Variants in LCLAT1 observed in about 807,000 individuals in gnomAD.
LCLAT1 encodes 1-AGP acyltransferase 8.
Under a neutral mutation model 30.7 loss-of-function variants are expected in LCLAT1, and 11 were observed. The ratio of observed to expected loss-of-function variants is 0.36; its 90% CI spans 0.23 to 0.59. The LOEUF (loss-of-function observed/expected upper bound fraction) is 0.59, where lower values mean the gene tolerates loss of function less well. LCLAT1 is among the 20% of genes least tolerant of loss of function. The pLI, the probability that LCLAT1 is intolerant of heterozygous loss-of-function variation, is 0.77. For missense variants in LCLAT1, 402 were observed against 458.6 expected (o/e 0.88, Z 1.13); for synonymous variants, 155 against 151.3 (o/e 1.02, Z -0.18).
intron 1 of LCLAT1, chr2:30,459,749 T>G: frequency 2.0e-6 from 3 of 1,494,734 alleles, no homozygotes; most frequent in Non-Finnish European, 2.8e-6. Context: ...ATTTAGATGC[T>G]TGAGGTTTTT....
intron 3 of LCLAT1, among the ~76,000 whole-genome samples, chr2:30,552,323 G>A (rs1427133955): frequency 1.3e-5 from 2 of 152,164 alleles, no homozygotes; most frequent in Non-Finnish European, 2.9e-5. Flanking sequence ...ATGTGTATAT[G>A]ATTATGTTTG....
At chr2:30,462,557 A>C (rs2148275918) in intron 1 of LCLAT1, among the ~76,000 whole-genome samples, 1 of 152,290 alleles carries the variant, frequency 6.6e-6, no homozygotes, top group African/African-American at 2.4e-5. Context: ...ATGAATACTT[A>C]AGTTTATCTG....
intron 1 of LCLAT1, among the ~76,000 whole-genome samples, chr2:30,465,938 G>A (rs976081444): frequency 6.6e-6 from 1 of 151,564 alleles, no homozygotes; most frequent in Non-Finnish European, 1.5e-5. Context: ...TCAACCAAGT[G>A]GTAGATTATA....
chr2:30,521,350 G>T (rs1685456602), intron 1 of LCLAT1, among the ~76,000 whole-genome samples: 1 of 152,080 alleles, frequency 6.6e-6, no homozygotes. Flanking sequence ...CTTGGTTTCA[G>T]GTTGCACCGT....
chr2:30,568,955 T>A (rs988310542), intron 5 of LCLAT1, among the ~76,000 whole-genome samples: 1 of 151,930 alleles, frequency 6.6e-6, no homozygotes, highest in African/African-American at 2.4e-5. Flanking sequence ...TATCATTCTC[T>A]TACTATTTTA....
intron 1 of LCLAT1, among the ~76,000 whole-genome samples, chr2:30,450,744 G>A (rs1451532581): frequency 6.6e-6 from 1 of 152,202 alleles, no homozygotes; most frequent in African/African-American, 2.4e-5. Context: ...GTCAAAGCAA[G>A]GGGGAGAACT....
At chr2:30,616,013 T>C (rs1667978907) in intron 5 of LCLAT1, among the ~76,000 whole-genome samples, 1 of 152,142 alleles carries the variant, frequency 6.6e-6, no homozygotes. Flanking sequence ...AGTTGTGGTC[T>C]CCACTGAGTT....
intron 1 of LCLAT1, among the ~76,000 whole-genome samples, chr2:30,467,116 T>A (rs1049994117): frequency 2.6e-5 from 4 of 151,882 alleles, no homozygotes; most frequent in South Asian, 4.2e-4. Context: ...CAGGCCCCGA[T>A]GTGTGATGTT....
intron 1 of LCLAT1, among the ~76,000 whole-genome samples, chr2:30,492,606 A>G (rs1242337353): frequency 1.3e-5 from 2 of 151,942 alleles, no homozygotes; most frequent in African/African-American, 4.8e-5. Flanking sequence ...ACCTTTGGGT[A>G]TATGATACTT....
chr2:30,530,679 A>G (rs567519301), intron 2 of LCLAT1, among the ~76,000 whole-genome samples: 200 of 152,148 alleles, frequency 1.3e-3, no homozygotes, highest in African/African-American at 4.5e-3. Context: ...CTGCGTAGCT[A>G]AGGCTCTGGG....
intron 1 of LCLAT1, among the ~76,000 whole-genome samples, chr2:30,455,067 G>A (rs1227429412): frequency 6.7e-6 from 1 of 150,032 alleles, no homozygotes; most frequent in Non-Finnish European, 1.5e-5. Context: ...TAATCTTCAG[G>A]GAACTGAGTA....
chr2:30,466,709 A>G lies in LCLAT1; in HGVS notation c.-5+19326A>G, dbSNP rs576020567. On this transcript the variant is annotated intron_variant, in intron 1 of 5. Transcript: ENST00000379509. ...TGCAGATATTCCAATTCTACTTAAC[A>G]CTGGGTATAGGGCCTGAGCTTCTGC... 2.0e-5 allele frequency among the ~76,000 whole-genome samples: 3 copies of G among 152,140 alleles called. No homozygotes were observed. In the South Asian group the frequency reaches 6.2e-4, roughly 32 times the overall value.
chr2:30,561,189 C>T lies in LCLAT1; in HGVS notation c.365-957C>T, dbSNP rs566827547. 2.6e-5 allele frequency among the ~76,000 whole-genome samples: 4 copies of T among 152,030 alleles called. No individual in the cohort carries two copies. In the South Asian group the frequency reaches 8.3e-4, roughly 32 times the overall value. ...AACTCCTGACCTCAGGTGATTCACC[C>T]GCCTCAGCCTCCCAAAGTGCTGGGA... On this transcript the variant is annotated intron_variant, in intron 3 of 5. Transcript: ENST00000379509.
intron 1 of LCLAT1, among the ~76,000 whole-genome samples, chr2:30,480,526 T>A (rs904210227): frequency 1.3e-5 from 2 of 152,170 alleles, no homozygotes; most frequent in East Asian, 3.8e-4. Context: ...GGAAAAAATA[T>A]AAAATGACAG....
chr2:30,484,351 G>T (rs778195899), intron 1 of LCLAT1, among the ~76,000 whole-genome samples: 29 of 152,086 alleles, frequency 1.9e-4, no homozygotes, highest in Non-Finnish European at 4.0e-4. Flanking sequence ...AAGTATTGTG[G>T]CCTTCCCAAA....
At chr2:30,503,283 T>C (rs1011048200) in intron 1 of LCLAT1, among the ~76,000 whole-genome samples, 2 of 152,216 alleles carry the variant, frequency 1.3e-5, no homozygotes, top group African/African-American at 4.8e-5. Flanking sequence ...GATCCTGTTT[T>C]GGCCAGTAGG....
At chr2:30,493,023 G>A (rs1683909339) in intron 1 of LCLAT1, among the ~76,000 whole-genome samples, 1 of 152,094 alleles carries the variant, frequency 6.6e-6, no homozygotes, top group South Asian at 2.1e-4. Context: ...TGTTTAACCT[G>A]CTGAACCCCA....
At chr2:30,528,695 A>G (rs1450957754) in intron 2 of LCLAT1, among the ~76,000 whole-genome samples, 2 of 152,170 alleles carry the variant, frequency 1.3e-5, no homozygotes, top group African/African-American at 2.4e-5. Context: ...CCTATTCCTA[A>G]CTTTTGTCTT....
chr2:30,528,631 A>G (rs1237183157), intron 2 of LCLAT1, among the ~76,000 whole-genome samples: 1 of 152,216 alleles, frequency 6.6e-6, no homozygotes, highest in Non-Finnish European at 1.5e-5. Flanking sequence ...GGACTTACTG[A>G]TAGTGTGATC....
Sources: allele counts gnomAD v4.1 joint callset (sites outside exome capture counted in the v4.1 genomes callset), GRCh38; gene constraint gnomAD v4.1.1; transcripts MANE v1.5; gene names NCBI Gene and HGNC (gene_info 2026-07-23, HGNC 2026-07-21).